CALN1: variants seen among roughly 807,000 people sequenced by gnomAD.
CALN1 encodes the protein calcium-binding protein 8.
In CALN1, 17 loss-of-function variants were observed where a neutral mutation model predicts 30.6. The observed-to-expected ratio is 0.56, with a 90% CI of 0.38 to 0.83. CALN1 has a LOEUF of 0.83. CALN1 is among the 40% of genes least tolerant of loss of function. The pLI, the probability that CALN1 is intolerant of heterozygous loss-of-function variation, is 0.00. For missense variants in CALN1, 291 were observed against 354.9 expected (o/e 0.82, Z 1.45); for synonymous variants, 156 against 131.4 (o/e 1.19, Z -1.28).
intron 3 of CALN1, among the ~76,000 whole-genome samples, chr7:72,259,843 T>G (rs573589566): frequency 6.6e-6 from 1 of 152,332 alleles, no homozygotes; most frequent in Admixed American, 6.5e-5. Flanking sequence ...TTCTGGTTGT[T>G]GCCCCAGCCT....
chr7:72,381,053 G>C (rs193215328), intron 2 of CALN1, among the ~76,000 whole-genome samples: 2 of 152,288 alleles, frequency 1.3e-5, no homozygotes, highest in Non-Finnish European at 2.9e-5. Flanking sequence ...ATAAAGACTA[G>C]ATGTTTTCCT....
At chr7:72,373,835 G>T (rs1320776153) in intron 2 of CALN1, among the ~76,000 whole-genome samples, 1 of 152,146 alleles carries the variant, frequency 6.6e-6, no homozygotes, top group Non-Finnish European at 1.5e-5. Flanking sequence ...AAACTGATGA[G>T]AATTAAGATA....
chr7:72,319,272 G>C (rs377559656), intron 2 of CALN1, among the ~76,000 whole-genome samples: 1 of 152,164 alleles, frequency 6.6e-6, no homozygotes, highest in African/African-American at 2.4e-5. Context: ...ACAGACTCAC[G>C]GTTCCACATG....
At position 71,779,665 on chromosome 7, in the gene CALN1, C is replaced by T. The variant is rs1038037814; in HGVS notation, c.*8110G>A. ...ATTAATAATATATACTTCATTTGAT[C>T]GGTAAGTTGCATGCTAAGTTAATTT... On this transcript the variant is annotated 3_prime_UTR_variant, in exon 7 of 7. Transcript: ENST00000395275. The T allele has an allele frequency of 5.9e-5, 9 of 151,984 alleles. No individual in the cohort carries two copies. The highest frequency in any genetic ancestry group is 9.7e-5 in the African/African-American group (4 of 41,372). 9.4% of individuals were successfully genotyped at this position (151,984 alleles called of 1,614,324 possible).
chr7:72,039,511 C>G (rs1160721188), intron 4 of CALN1, among the ~76,000 whole-genome samples: 2 of 152,218 alleles, frequency 1.3e-5, no homozygotes, highest in Non-Finnish European at 2.9e-5. Context: ...GGCTACTAAT[C>G]ACATTACAGA....
chr7:72,037,147 C>T (rs1801849033), intron 4 of CALN1, among the ~76,000 whole-genome samples: 1 of 114,588 alleles, frequency 8.7e-6, no homozygotes, highest in Non-Finnish European at 1.8e-5. Flanking sequence ...CCTTAAATAT[C>T]TTTTCATAAT....
chr7:72,206,604 CTTTTA>C (rs983815646), intron 3 of CALN1, among the ~76,000 whole-genome samples: 3 of 151,828 alleles, frequency 2.0e-5, no homozygotes, highest in Middle Eastern at 3.4e-3. Context: ...TGTGTTTATT[CTTTTA>C]TTTATTTCTT....
intron 6 of CALN1, among the ~76,000 whole-genome samples, chr7:71,795,780 T>C (rs938838600): frequency 4.7e-5 from 7 of 150,466 alleles, no homozygotes; most frequent in Non-Finnish European, 7.4e-5. Flanking sequence ...TCAAGGTTCC[T>C]CCAGCTGTAT....
At chr7:72,166,202 T>G (rs895635769) in intron 3 of CALN1, among the ~76,000 whole-genome samples, 3 of 152,070 alleles carry the variant, frequency 2.0e-5, no homozygotes, top group Non-Finnish European at 4.4e-5. Flanking sequence ...TTTCTGTTTT[T>G]TGTTTGTTTG....
intron 2 of CALN1, among the ~76,000 whole-genome samples, chr7:72,395,359 G>GCGCA (rs772750127): frequency 2.6e-5 from 4 of 151,284 alleles, no homozygotes; most frequent in Non-Finnish European, 5.9e-5. Flanking sequence ...GCACGCGCGC[G>GCGCA]CACACACACA....
At chr7:72,368,176 T>C (rs1383323866) in intron 2 of CALN1, among the ~76,000 whole-genome samples, 3 of 151,470 alleles carry the variant, frequency 2.0e-5, no homozygotes, top group Non-Finnish European at 4.4e-5. Context: ...TATGTGTATA[T>C]ATGTGTATCT....
At chr7:72,389,478 C>G (rs1343360328) in intron 2 of CALN1, among the ~76,000 whole-genome samples, 1 of 152,180 alleles carries the variant, frequency 6.6e-6, no homozygotes, top group Non-Finnish European at 1.5e-5. Flanking sequence ...ATTCAAAAAT[C>G]TGAGTCTTCC....
chr7:72,242,313 A>C (rs1428513670), intron 3 of CALN1, among the ~76,000 whole-genome samples: 2 of 152,076 alleles, frequency 1.3e-5, no homozygotes, highest in Non-Finnish European at 1.5e-5. Context: ...AGATGTGCAC[A>C]TATCTGTTTG....
chr7:72,417,634 G>A (rs892686148), intron 1 of CALN1, among the ~76,000 whole-genome samples: 1 of 152,172 alleles, frequency 6.6e-6, no homozygotes, highest in Admixed American at 6.5e-5. Context: ...CAATCCAATA[G>A]ACTGAAACTG....
At chr7:72,299,641 A>ATC (rs1390840329) in intron 2 of CALN1, among the ~76,000 whole-genome samples, 1 of 151,828 alleles carries the variant, frequency 6.6e-6, no homozygotes, top group Non-Finnish European at 1.5e-5. Context: ...ACAACAGTTG[A>ATC]TCTCACAAGT....
rs1168760246 is a variant in CALN1, at chr7:72,380,727, A to AG, written c.119+22523dup. ...AGATTAGATAGATAGATAGATACATAGATACATAGATAGATAGTGTTAAAG... is the reference window on the plus strand; with the variant it reads ...AGATTAGATAGATAGATAGATACATAGGATACATAGATAGATAGTGTTAAAG... On this transcript the variant is annotated intron_variant, in intron 2 of 6. Transcript: ENST00000395275. 2.0e-5 allele frequency among the ~76,000 whole-genome samples: 3 copies of AG among 152,044 alleles called. No homozygotes were observed. In the East Asian group the frequency reaches 5.8e-4, roughly 29 times the overall value.
chr7:72,139,163 C>A (rs1307974916), intron 3 of CALN1, among the ~76,000 whole-genome samples: 1 of 152,208 alleles, frequency 6.6e-6, no homozygotes, highest in Non-Finnish European at 1.5e-5. Context: ...CCACACCAGG[C>A]CAGAGCCCAT....
intron 3 of CALN1, among the ~76,000 whole-genome samples, chr7:72,147,834 A>C (rs1786878596): frequency 6.6e-6 from 1 of 151,780 alleles, no homozygotes; most frequent in Admixed American, 6.6e-5. Context: ...CATTCTCAGT[A>C]AACTATCGCA....
intron 2 of CALN1, among the ~76,000 whole-genome samples, chr7:72,399,548 C>A (rs1488928281): frequency 6.6e-6 from 1 of 152,136 alleles, no homozygotes; most frequent in African/African-American, 2.4e-5. Context: ...GGATTACAGG[C>A]ATGAGCCACC....
Sources: allele counts gnomAD v4.1 joint callset (sites outside exome capture counted in the v4.1 genomes callset), GRCh38; gene constraint gnomAD v4.1.1; transcripts MANE v1.5; gene names NCBI Gene and HGNC (gene_info 2026-07-23, HGNC 2026-07-21).